The following DNAH10 variants were observed in gnomAD, a reference collection of about 807,000 sequenced individuals.
DNAH10 encodes the protein dynein axonemal heavy chain 10.
In DNAH10, 348 loss-of-function variants were observed where a neutral mutation model predicts 506.6. The observed-to-expected ratio is 0.69, with a 90% CI of 0.63 to 0.75. DNAH10 has a LOEUF of 0.75. Among genes scored for constraint, DNAH10 ranks in the 30% least tolerant of loss-of-function variants. The pLI, the probability that DNAH10 is intolerant of heterozygous loss-of-function variation, is 0.00. For missense variants in DNAH10, 5,179 were observed against 5,787.1 expected (o/e 0.89, Z 3.41); for synonymous variants, 2,059 against 2,198.6 (o/e 0.94, Z 1.78).
At chr12:123,847,272 A>G (rs1950995423) in intron 32 of DNAH10, among the ~76,000 whole-genome samples, 1 of 149,338 alleles carries the variant, frequency 6.7e-6, no homozygotes, top group East Asian at 2.0e-4. Flanking sequence ...CTATCCATCC[A>G]TCCATCCTGT....
In DNAH10 at chr12:123,913,013, A is replaced by T; in HGVS notation, c.10135-85A>T. On this transcript the variant is annotated intron_variant, in intron 59 of 78. Transcript: ENST00000673944. The surrounding 1 kb of genome is among the most constrained non-coding windows in gnomAD (Gnocchi z 5.1). ...AGCACAGACACCATTAGAGCAGTTTAGACATGTGGCCTGGTTTGAGGCCAT... is the reference window on the plus strand; with the variant it reads ...AGCACAGACACCATTAGAGCAGTTTTGACATGTGGCCTGGTTTGAGGCCAT... The T allele has an allele frequency of 2.3e-6, 3 of 1,296,444 alleles. No individual in the cohort carries two copies. Among genetic ancestry groups the T allele is most frequent in the Non-Finnish European group, 3.2e-6 (3 of 934,298 alleles). 80.3% of individuals were successfully genotyped at this position (1,296,444 alleles called of 1,614,324 possible).
intron 39 of DNAH10, among the ~76,000 whole-genome samples, chr12:123,862,327 T>A (rs944042291): frequency 5.3e-5 from 8 of 150,814 alleles, no homozygotes; most frequent in South Asian, 4.2e-4. Flanking sequence ...CTGGTCATCC[T>A]CCTCCTCCTC....
Position 123,827,940 on chromosome 12 carries a change from G to T in DNAH10, c.4391+1042G>T, listed in dbSNP as rs149914750. Among the ~76,000 whole-genome samples the T allele has an allele frequency of 2.0e-5, 3 of 152,230 alleles. No homozygotes were observed. The East Asian group carries it at 5.8e-4, about 29-fold the overall frequency. Reference sequence around the variant, plus strand: ...GTTTCCTCATCTGTAAAACTAGGTAGAAGTAGGCATTTTCTAGCTAAAGTT... The same window carrying T: ...GTTTCCTCATCTGTAAAACTAGGTATAAGTAGGCATTTTCTAGCTAAAGTT... On this transcript the variant is annotated intron_variant, in intron 25 of 78. Coordinates refer to ENST00000673944, the MANE Select transcript of DNAH10 (RefSeq NM_001372106.1).
At chr12:123,847,936 A>G (rs1256296292) in intron 32 of DNAH10, 25 bp from the exon 33 acceptor site, 2 of 1,566,424 alleles carry the variant, frequency 1.3e-6, no homozygotes, top group Admixed American at 3.7e-5. Flanking sequence ...CAGAAAACAT[A>G]TGTTTTGCAT....
intron 2 of DNAH10, among the ~76,000 whole-genome samples, chr12:123,770,877 G>A (rs914761054): frequency 6.6e-6 from 1 of 152,028 alleles, no homozygotes; most frequent in Non-Finnish European, 1.5e-5. Context: ...CTTGAGACAG[G>A]TGCGTCATTT....
Position 123,926,983 on chromosome 12 carries a change from T to G in DNAH10, c.12105+163T>G. The G allele has an allele frequency of 1.4e-6, 1 of 734,758 alleles. No homozygotes were observed. Among genetic ancestry groups the G allele is most frequent in the Non-Finnish European group, 2.2e-6 (1 of 457,924 alleles). The allele number at this position is 734,758 out of a possible 1,614,324, so 45.5% of individuals were successfully genotyped here. On this transcript the variant is annotated intron_variant, in intron 69 of 78. Transcript: ENST00000673944. The surrounding 1 kb of genome is among the most constrained non-coding windows in gnomAD (Gnocchi z 4.1). ...TGAAACACTGGGAAGATGACAATAA[T>G]AGTTATGATTTCACAACCTCATGTT...
At chr12:123,855,147 CAGAACAAAAGGAAAAG>C (rs1245794905) in intron 36 of DNAH10, among the ~76,000 whole-genome samples, 2 of 152,008 alleles carry the variant, frequency 1.3e-5, no homozygotes, top group East Asian at 3.9e-4. Context: ...GTCTGGGAGG[CAGAACAAAAGGAAAAG>C]TGGCCTTTTC....
chr12:123,805,269 A>G (rs1958623813), intron 18 of DNAH10, among the ~76,000 whole-genome samples: 1 of 152,132 alleles, frequency 6.6e-6, no homozygotes, highest in South Asian at 2.1e-4. Flanking sequence ...AACTGTCTGA[A>G]AGCCATCGTG....
chr12:123,878,085 A>G lies in DNAH10; in HGVS notation c.8372+177A>G, dbSNP rs1469441449. ...CTTGGCTTAAGGCTTGATGCTTTGTAAGCCTTTGCATTGAAACAGGCAAAA... is the reference window on the plus strand; with the variant it reads ...CTTGGCTTAAGGCTTGATGCTTTGTGAGCCTTTGCATTGAAACAGGCAAAA... On this transcript the variant is annotated intron_variant, in intron 48 of 78. Coordinates refer to ENST00000673944, the MANE Select transcript of DNAH10 (RefSeq NM_001372106.1). 2.7e-4 allele frequency among the ~76,000 whole-genome samples: 41 copies of G among 152,234 alleles called. 1 individual carries two copies. Among genetic ancestry groups the G allele is most frequent in the Admixed American group, 2.5e-3 (38 of 15,278 alleles).
rs1957901593 is a variant in DNAH10 at position 123,787,516 on chromosome 12, T to C, written c.1422-288T>C. Among the ~76,000 whole-genome samples the C allele has an allele frequency of 6.6e-6, 1 of 152,266 alleles. No individual in the cohort carries two copies. Among genetic ancestry groups the C allele is most frequent in the Admixed American group, 6.5e-5 (1 of 15,290 alleles). ...CAGCTGCCGCTGTTGACCTCTGGCC[T>C]GGGGCCAAGGCCACCTGCCCCTTCT... On this transcript the variant is annotated intron_variant, in intron 9 of 78. Transcript: ENST00000673944. The surrounding 1 kb of genome is among the most constrained non-coding windows in gnomAD (Gnocchi z 4.6).
chr12:123,916,334 C>A lies in DNAH10; in HGVS notation c.10723-123C>A. 1 of 1,282,862 alleles carries A rather than the reference C, an allele frequency of 7.8e-7. No homozygotes were observed. Among genetic ancestry groups the A allele is most frequent in the Non-Finnish European group, 1.1e-6 (1 of 929,714 alleles). 79.5% of individuals were successfully genotyped at this position (1,282,862 alleles called of 1,614,324 possible). The stretch of plus-strand genomic sequence containing the variant: ...ATACCCCTTGCTTCTCTCTTCTTTT[C>A]ACCTCTGGCCCCCTCCAAGTTCCTG... On this transcript the variant is annotated intron_variant, in intron 62 of 78. Coordinates refer to ENST00000673944, the MANE Select transcript of DNAH10 (RefSeq NM_001372106.1). This position sits in a 1 kb window ranked among gnomAD's most constrained non-coding sequence, Gnocchi z 4.6.
chr12:123,809,026 C>T (rs1474022656), intron 19 of DNAH10, 73 bp downstream of exon 19: 27 of 1,556,890 alleles, frequency 1.7e-5, no homozygotes, highest in Non-Finnish European at 2.0e-5. Flanking sequence ...AGTGCTGGGA[C>T]TATAGGCGTG....
chr12:123,797,350 C>T (rs895173124), intron 13 of DNAH10, among the ~76,000 whole-genome samples: 2 of 151,938 alleles, frequency 1.3e-5, no homozygotes, highest in African/African-American at 4.8e-5. Flanking sequence ...TGCATTCATG[C>T]TCATAGTAAA....
chr12:123,903,184 C>A lies in DNAH10; in HGVS notation c.9815+71C>A, dbSNP rs964850440. 146 of 1,485,052 alleles carry A rather than the reference C, an allele frequency of 9.8e-5. No individual in the cohort carries two copies. The highest frequency in any genetic ancestry group is 1.2e-4 in the Non-Finnish European group (134 of 1,115,478). The allele number at this position is 1,485,052 out of a possible 1,614,324, so 92.0% of individuals were successfully genotyped here. On this transcript the variant is annotated intron_variant, in intron 57 of 78. Transcript: ENST00000673944. The surrounding 1 kb of genome is among the most constrained non-coding windows in gnomAD (Gnocchi z 4.6). ...AAGCCAGTAGTCTCCATGATCGTGG[C>A]AACCAGGAGCTTACAAAGGAGCCGA...
chr12:123,930,465 G>A lies in DNAH10; in HGVS notation c.12676G>A (p.Glu4226Lys). 6.2e-7 allele frequency: 1 copy of A among 1,608,260 alleles called. No individual in the cohort carries two copies. Among genetic ancestry groups the A allele is most frequent in the Non-Finnish European group, 8.5e-7 (1 of 1,177,962 alleles). The change falls in exon 73 of 79, where the codon GAG becomes AAG. Residue 4226 changes from glutamate to lysine, a missense_variant. By Grantham distance (56) the Glu-to-Lys change is moderately conservative (BLOSUM62 1). This residue lies in a region of DNAH10 where 4,844 missense variants were observed against 5,430.5 expected (regional missense o/e 0.89). Transcript: ENST00000673944. ...DRRILTIYMD[E>K]YLGDFIFDTF... ...CCGCATCCTGACCATCTACATGGAT[G>A]AGTACCTGGGGGACTTCATTTTTGA... is the stretch of plus-strand genomic sequence containing the variant.
At chr12:123,799,611 C>T (rs1174030312) in intron 14 of DNAH10, among the ~76,000 whole-genome samples, 2 of 152,136 alleles carry the variant, frequency 1.3e-5, no homozygotes, top group African/African-American at 2.4e-5. Flanking sequence ...AATACCAAGC[C>T]TCCGTTTCCC....
At position 123,804,218 on chromosome 12, in the gene DNAH10, T is replaced by C. The variant is rs750471646; in HGVS notation, c.2779+393T>C. Among the ~76,000 whole-genome samples, 34 of 152,032 alleles carry C rather than the reference T, an allele frequency of 2.2e-4. 1 individual carries two copies. Among genetic ancestry groups the C allele is most frequent in the Non-Finnish European group, 8.8e-5 (6 of 67,974 alleles). On this transcript the variant is annotated intron_variant, in intron 17 of 78. Transcript: ENST00000673944. ...TAGTTGTATTTTTTATGGGCTCACA[T>C]TTACTTGCTAAAGAAAGATACTTTA...
In DNAH10 at chr12:123,800,307, A is replaced by G. The variant is rs773654346; in HGVS notation, c.2381A>G (p.Glu794Gly). The change falls in exon 15 of 79, where the codon GAA (glutamate) becomes GGA (glycine). Residue 794 changes from glutamate to glycine, a missense_variant. Physicochemically the swap from Glu to Gly is moderately conservative, Grantham distance 98. Around this residue, in one of 3 missense-constraint regions of DNAH10, gnomAD observed 4,844 missense variants for 5,430.5 expected, o/e 0.89. Transcript: ENST00000673944. ...CCGGCTCTCAGAGAGATTATTAATG[A>G]AACAAAGTACTTAGAGCAGCTGGGG... is the stretch of plus-strand genomic sequence containing the variant. The part of the protein sequence containing the change: ...FSPALREIIN[E>G]TKYLEQLGFT... The G allele has an allele frequency of 5.0e-6, 8 of 1,614,140 alleles. No homozygotes were observed. The highest frequency in any genetic ancestry group is 6.8e-6 in the Non-Finnish European group (8 of 1,180,020).
rs765449629 is a variant in DNAH10, at chr12:123,916,552, C to T, written c.10818C>T (p.Ile3606=). 2.9e-5 allele frequency: 47 copies of T among 1,613,742 alleles called. No individual in the cohort carries two copies. Among genetic ancestry groups the T allele is most frequent in the Admixed American group, 5.0e-5 (3 of 59,994 alleles). ...PFLFRDVDEY[I]DPVIDNVLEK... is the part of the protein sequence containing the mutation. ...TGTTCCGCGATGTTGATGAATACAT[C>T]GATCCTGTGATTGACAACGTCTTAG... Residue 3606 remains isoleucine, a synonymous_variant, in exon 63 of 79, where the codon ATC becomes ATT. Coordinates refer to ENST00000673944, the MANE Select transcript of DNAH10 (RefSeq NM_001372106.1). This position sits in a 1 kb window ranked among gnomAD's most constrained non-coding sequence, Gnocchi z 4.6.
Sources: gnomAD v4.1 joint callset for allele counts (sites outside exome capture counted in the v4.1 genomes callset) on GRCh38, gnomAD v4.1.1 for gene constraint, gnomAD v4.1.1 regional missense constraint, Gnocchi (gnomAD v3.1) non-coding constraint, MANE v1.5 for transcripts, NCBI Gene and HGNC (gene_info 2026-07-23, HGNC 2026-07-21) for gene names.